The following XG variants were observed in gnomAD, a reference collection of about 807,000 sequenced individuals.
XG encodes the protein glycoprotein Xg.
Under a neutral mutation model 25.7 loss-of-function variants are expected in XG, and 24 were observed. The observed-to-expected ratio is 0.93, with a 90% confidence interval of 0.68 to 1.31. The LOEUF is 1.31. XG is among the 40% of genes most tolerant of loss of function. The pLI is 0.00. For missense variants in XG, 181 were observed against 187.6 expected, an observed-to-expected ratio of 0.96 and a Z score of 0.21; for synonymous variants, 77 against 69.2, an observed-to-expected ratio of 1.11 and a Z score of -0.56.
chrX:2,760,082 C>T (rs5982847), intron 1 of XG, among the ~76,000 whole-genome samples: 1,790 of 151,878 alleles, frequency 0.012, 34 homozygotes, highest in African/African-American at 0.041. Flanking sequence ...ACCTGGGAGG[C>T]AGAGGTTGCA....
chrX:2,763,173 C>CCAT (rs2050602982), intron 1 of XG, among the ~76,000 whole-genome samples: 1 of 150,494 alleles, frequency 6.6e-6, no homozygotes, highest in Non-Finnish European at 1.5e-5. Flanking sequence ...CACACCACCA[C>CCAT]GCCCACATTT....
At chrX:2,757,151 C>T (rs1039291289) in intron 1 of XG, among the ~76,000 whole-genome samples, 174 of 152,054 alleles carry the variant, frequency 1.1e-3, no homozygotes, top group Non-Finnish European at 2.3e-3. Flanking sequence ...ATCTCTTCTC[C>T]AACCATCCCC....
At chrX:2,776,177 G>A (rs1257132162) in intron 3 of XG, among the ~76,000 whole-genome samples, 1 of 152,014 alleles carries the variant, frequency 6.6e-6, no homozygotes, top group Non-Finnish European at 1.5e-5. Flanking sequence ...GCCAGCGACC[G>A]AGAGACGGCT....
chrX:2,808,233 C>T lies in XG; in HGVS notation c.454+13C>T. 1.7e-6 allele frequency: 2 copies of T among 1,210,412 alleles called. No individual in the cohort carries two copies. The highest frequency in any genetic ancestry group is 2.2e-6 in the Non-Finnish European group (2 of 894,514). ...GGCAATCCAGAAGGTAACTGATTGACTCACCCGGTCCCAACCTTTAATAAG... is the reference window on the plus strand; with the variant it reads ...GGCAATCCAGAAGGTAACTGATTGATTCACCCGGTCCCAACCTTTAATAAG... On this transcript the variant is annotated intron_variant, in intron 9 of 10. Coordinates refer to ENST00000644266, the MANE Select transcript of XG (RefSeq NM_001141919.2).
rs775775898 is a variant in XG at position 2,766,689 on chromosome X, C to G, written c.62-3861C>G. ...ACGCCATTCTCCTGCCTCAGCCTCC[C>G]GAGTAGCTGGGACTACAGGCGCCCG... On this transcript the variant is annotated intron_variant, in intron 1 of 10. Coordinates refer to ENST00000644266, the MANE Select transcript of XG (RefSeq NM_001141919.2). Among the ~76,000 whole-genome samples, 237 of 150,662 alleles carry G rather than the reference C, an allele frequency of 1.6e-3. 1 individual carries two copies. The highest frequency in any genetic ancestry group is 1.8e-3 in the Non-Finnish European group (123 of 67,728).
chrX:2,766,755 C>T (rs374842714), intron 1 of XG, among the ~76,000 whole-genome samples: 6 of 150,876 alleles, frequency 4.0e-5, no homozygotes, highest in South Asian at 2.1e-4. Flanking sequence ...TTACTAGAGA[C>T]GGGGTTTCAC....
intron 7 of XG, 88 bp from the exon 8 acceptor site, chrX:2,806,613 C>T: frequency 1.2e-6 from 1 of 829,096 alleles, no homozygotes; most frequent in Non-Finnish European, 1.7e-6. Context: ...CATCTTGCTT[C>T]AGGTTTGCTG....
At chrX:2,792,436 G>C (rs2086845515) in intron 5 of XG, among the ~76,000 whole-genome samples, 1 of 111,229 alleles carries the variant, frequency 9.0e-6, no homozygotes, top group Non-Finnish European at 1.9e-5. Flanking sequence ...CTGGGCTCAA[G>C]CAATCCTCCG....
At position 2,769,643 on chromosome X, in the gene XG, A is replaced by G. The variant is rs192769922; in HGVS notation, c.62-907A>G. 4.7e-4 allele frequency among the ~76,000 whole-genome samples: 72 copies of G among 152,320 alleles called. No individual in the cohort carries two copies. In the East Asian group the frequency reaches 0.01, roughly 21 times the overall value. On this transcript the variant is annotated intron_variant, in intron 1 of 10. Coordinates refer to ENST00000644266, the MANE Select transcript of XG (RefSeq NM_001141919.2). The stretch of plus-strand genomic sequence containing the variant: ...TGAGGAACAAGATCAAGGTGTGCAT[A>G]TATGTCAGCAAGAGGGACCCTTCAC...
At chrX:2,774,669 A>C in intron 2 of XG, 47 bp from the exon 3 acceptor site, 2 of 1,611,830 alleles carry the variant, frequency 1.2e-6, no homozygotes, top group Non-Finnish European at 1.7e-6. Flanking sequence ...CATGCTTCCA[A>C]TGAATCTTCA....
At chrX:2,774,667 C>A in intron 2 of XG, 49 bp from the exon 3 acceptor site, 1 of 1,611,044 alleles carries the variant, frequency 6.2e-7, no homozygotes, top group Non-Finnish European at 8.5e-7. Flanking sequence ...TTCATGCTTC[C>A]AATGAATCTT....
chrX:2,801,782 C>G (rs747405682), intron 7 of XG, among the ~76,000 whole-genome samples: 161 of 110,965 alleles, frequency 1.5e-3, no homozygotes, highest in African/African-American at 4.9e-3. Context: ...CATCTCGGCT[C>G]ACTGCAAGCT....
At chrX:2,760,587 A>C (rs765561307) in intron 1 of XG, among the ~76,000 whole-genome samples, 54 of 151,188 alleles carry the variant, frequency 3.6e-4, no homozygotes, top group African/African-American at 1.0e-3. Flanking sequence ...TACAAAAAAA[A>C]AAAAAAAATT....
At chrX:2,769,410 A>G (rs927008209) in intron 1 of XG, among the ~76,000 whole-genome samples, 4 of 152,160 alleles carry the variant, frequency 2.6e-5, no homozygotes, top group East Asian at 1.9e-4. Flanking sequence ...ACTTCCCAGA[A>G]CCTCAGTTTC....
chrX:2,774,776 G>A (rs1346950230), intron 3 of XG, 37 bp downstream of exon 3: 26 of 1,613,374 alleles, frequency 1.6e-5, no homozygotes, highest in Admixed American at 5.0e-5. Context: ...CTGAGGCAAC[G>A]TCCTTGAACT....
At chrX:2,795,187 GTA>G (rs1357531240) in intron 6 of XG, among the ~76,000 whole-genome samples, 1 of 103,391 alleles carries the variant, frequency 9.7e-6, no homozygotes, top group East Asian at 3.0e-4. Context: ...TTTTATATGT[GTA>G]TATATATCTT....
intron 6 of XG, among the ~76,000 whole-genome samples, chrX:2,796,826 C>T (rs1163900186): frequency 4.5e-5 from 5 of 111,944 alleles, no homozygotes; most frequent in African/African-American, 9.7e-5. Context: ...TCTTTTCTGC[C>T]GTGTTTACTT....
At chrX:2,784,951 C>T (rs2086770307) in intron 4 of XG, among the ~76,000 whole-genome samples, 1 of 112,548 alleles carries the variant, frequency 8.9e-6, no homozygotes, top group Admixed American at 9.4e-5. Flanking sequence ...TAAGGACGTG[C>T]CCGTGACACA....
At chrX:2,781,825 T>A (rs1335659061) in intron 3 of XG, among the ~76,000 whole-genome samples, 1 of 110,666 alleles carries the variant, frequency 9.0e-6, no homozygotes, top group Non-Finnish European at 1.9e-5. Flanking sequence ...CTTCTTGCCA[T>A]GAAAACGAAC....
Sources: allele counts gnomAD v4.1 joint callset (sites outside exome capture counted in the v4.1 genomes callset), GRCh38; gene constraint gnomAD v4.1.1; transcripts MANE v1.5; gene names NCBI Gene and HGNC (gene_info 2026-07-23, HGNC 2026-07-21).